OPCML: variants seen among roughly 807,000 people sequenced by gnomAD.
OPCML encodes the protein opioid-binding protein/cell adhesion molecule.
OPCML carries 13 observed loss-of-function variants against 37.8 expected under a neutral mutation model. The observed-to-expected ratio is 0.34, with a 90% CI of 0.22 to 0.55. The LOEUF (loss-of-function observed/expected upper bound fraction) is 0.55. Among genes scored for constraint, OPCML ranks in the 20% least tolerant of loss-of-function variants. OPCML has a pLI of 0.91. For missense variants in OPCML, 341 were observed against 435.6 expected (o/e 0.78, Z 1.93); for synonymous variants, 176 against 168.8 (o/e 1.04, Z -0.33).
At position 133,274,210 on chromosome 11, in the gene OPCML, T is replaced by A. The variant is rs538833045; in HGVS notation, c.61+258054A>T. Among the ~76,000 whole-genome samples, 8 of 152,300 alleles carry A rather than the reference T, an allele frequency of 5.3e-5. No homozygotes were observed. The South Asian group carries it at 1.5e-3, about 28-fold the overall frequency. ...TCATGGGTTGAATTGTGTCCTCTCATCCTCCCAGAAAAGCTGTGTTGAAGT... is the reference window on the plus strand; with the variant it reads ...TCATGGGTTGAATTGTGTCCTCTCAACCTCCCAGAAAAGCTGTGTTGAAGT... On this transcript the variant is annotated intron_variant, in intron 1 of 7. Transcript: ENST00000524381.
At chr11:132,543,152 C>A (rs925831591) in intron 3 of OPCML, among the ~76,000 whole-genome samples, 2 of 152,044 alleles carry the variant, frequency 1.3e-5, no homozygotes, top group Admixed American at 1.3e-4. Context: ...GATGATAGAG[C>A]TATCTTCAGA....
intron 1 of OPCML, among the ~76,000 whole-genome samples, chr11:132,976,013 G>A (rs1190466504): frequency 2.6e-5 from 4 of 152,052 alleles, no homozygotes; most frequent in African/African-American, 4.8e-5. Context: ...CTTGTGATCC[G>A]CCCACCTCGG....
chr11:133,257,466 A>G (rs1435996056), intron 1 of OPCML, among the ~76,000 whole-genome samples: 2 of 152,154 alleles, frequency 1.3e-5, no homozygotes, highest in African/African-American at 2.4e-5. Flanking sequence ...TTGTTTCTGT[A>G]CCTGTATCAC....
At chr11:132,919,468 G>T (rs934440332) in intron 2 of OPCML, among the ~76,000 whole-genome samples, 4 of 152,178 alleles carry the variant, frequency 2.6e-5, no homozygotes, top group African/African-American at 9.7e-5. Flanking sequence ...AGTGCTAAGT[G>T]GAATTAGGTG....
At chr11:132,833,625 G>T (rs1325635878) in intron 2 of OPCML, among the ~76,000 whole-genome samples, 1 of 152,192 alleles carries the variant, frequency 6.6e-6, no homozygotes, top group Non-Finnish European at 1.5e-5. Flanking sequence ...AATTGTATGT[G>T]CTCTAACTTC....
At chr11:132,852,248 C>G (rs1941842352) in intron 2 of OPCML, among the ~76,000 whole-genome samples, 1 of 152,046 alleles carries the variant, frequency 6.6e-6, no homozygotes, top group Admixed American at 6.6e-5. Flanking sequence ...AATGGGGGCT[C>G]CCACATATAT....
At chr11:132,616,634 C>T (rs938132686) in intron 3 of OPCML, among the ~76,000 whole-genome samples, 5 of 152,168 alleles carry the variant, frequency 3.3e-5, no homozygotes, top group Admixed American at 1.3e-4. Context: ...AATTTTTTCA[C>T]AGACGGTTTT....
chr11:132,764,885 C>T (rs2136106900), intron 2 of OPCML, among the ~76,000 whole-genome samples: 1 of 152,344 alleles, frequency 6.6e-6, no homozygotes, highest in South Asian at 2.1e-4. Flanking sequence ...CACATTCTAG[C>T]AAGGTAACCT....
intron 1 of OPCML, among the ~76,000 whole-genome samples, chr11:133,285,121 G>A (rs1942262251): frequency 1.3e-5 from 2 of 152,202 alleles, no homozygotes; most frequent in South Asian, 2.1e-4. Context: ...AATTCTAGAT[G>A]AGAACCCAAG....
intron 4 of OPCML, among the ~76,000 whole-genome samples, chr11:132,513,967 C>T (rs1591488591): frequency 6.6e-6 from 1 of 152,162 alleles, no homozygotes; most frequent in South Asian, 2.1e-4. Context: ...CTAATTCATT[C>T]TTGAATGACT....
intron 1 of OPCML, among the ~76,000 whole-genome samples, chr11:133,188,435 C>T (rs1192337214): frequency 2.0e-5 from 3 of 152,120 alleles, no homozygotes; most frequent in Non-Finnish European, 4.4e-5. Context: ...TTTCTCAACT[C>T]CATCGCGATC....
intron 1 of OPCML, among the ~76,000 whole-genome samples, chr11:133,265,313 C>T (rs1941623799): frequency 1.3e-5 from 2 of 152,302 alleles, no homozygotes; most frequent in Middle Eastern, 3.4e-3. Flanking sequence ...GACACAGCCA[C>T]ATAGCAAAGA....
At chr11:132,467,414 A>T (rs2096123344) in intron 4 of OPCML, among the ~76,000 whole-genome samples, 1 of 152,248 alleles carries the variant, frequency 6.6e-6, no homozygotes, top group Non-Finnish European at 1.5e-5. Context: ...TTTCCTGCAG[A>T]ACAATGTCAC....
At chr11:132,568,134 C>A (rs908226654) in intron 3 of OPCML, among the ~76,000 whole-genome samples, 6 of 151,870 alleles carry the variant, frequency 4.0e-5, no homozygotes, top group African/African-American at 1.4e-4. Flanking sequence ...CATGGGTGTG[C>A]AAATACCAAG....
At chr11:132,450,816 T>C (rs1033875745) in intron 4 of OPCML, among the ~76,000 whole-genome samples, 1 of 152,192 alleles carries the variant, frequency 6.6e-6, no homozygotes, top group Non-Finnish European at 1.5e-5. Context: ...TGTGTCCATT[T>C]GGATAAATTG....
At chr11:132,951,537 A>G (rs1945861447) in intron 1 of OPCML, among the ~76,000 whole-genome samples, 1 of 152,190 alleles carries the variant, frequency 6.6e-6, no homozygotes, top group Non-Finnish European at 1.5e-5. Flanking sequence ...CAACATACGA[A>G]TTTTGGGGGC....
At chr11:132,654,921 G>A (rs750855006) in intron 3 of OPCML, among the ~76,000 whole-genome samples, 13 of 151,430 alleles carry the variant, frequency 8.6e-5, no homozygotes, top group Non-Finnish European at 1.8e-4. Context: ...CCTGGAATGC[G>A]GAGACTGAGG....
chr11:133,133,200 A>C (rs78829819), intron 1 of OPCML, among the ~76,000 whole-genome samples: 97 of 152,234 alleles, frequency 6.4e-4, no homozygotes, highest in African/African-American at 1.3e-3. Flanking sequence ...AGTTCCTGAG[A>C]TCTGACATCA....
intron 1 of OPCML, among the ~76,000 whole-genome samples, chr11:132,947,949 C>T (rs1945782017): frequency 6.6e-6 from 1 of 152,198 alleles, no homozygotes; most frequent in African/African-American, 2.4e-5. Flanking sequence ...TGAGCATTTC[C>T]TTTGAGCACC....
Sources: gnomAD v4.1 joint callset for allele counts (sites outside exome capture counted in the v4.1 genomes callset) on GRCh38, gnomAD v4.1.1 for gene constraint, MANE v1.5 for transcripts, NCBI Gene and HGNC (gene_info 2026-07-23, HGNC 2026-07-21) for gene names.